The following OSGEPL1 variants were observed in gnomAD, a reference collection of about 807,000 sequenced individuals.
The protein encoded by OSGEPL1 is tRNA N6-adenosine threonylcarbamoyltransferase, mitochondrial.
Under a neutral mutation model 37.2 loss-of-function variants are expected in OSGEPL1, and 26 were observed. The ratio of observed to expected loss-of-function variants is 0.70; its 90% CI spans 0.51 to 0.97. The LOEUF (loss-of-function observed/expected upper bound fraction) is 0.97. OSGEPL1 is among the 50% of genes least tolerant of loss of function. The pLI is 0.00. For missense variants in OSGEPL1, 404 were observed against 487.0 expected, an observed-to-expected ratio of 0.83 and a Z score of 1.60; for synonymous variants, 140 against 159.9, an observed-to-expected ratio of 0.88 and a Z score of 0.94.
At chr2:189,760,652 G>A (rs953801437) in intron 2 of OSGEPL1, among the ~76,000 whole-genome samples, 10 of 151,794 alleles carry the variant, frequency 6.6e-5, no homozygotes, top group Non-Finnish European at 1.0e-4. Flanking sequence ...TCAGCTGGGC[G>A]TGGTGGCACG....
At position 189,752,973 on chromosome 2, in the gene OSGEPL1, A is replaced by C. The variant is rs1308268430; in HGVS notation, c.970T>G (p.Ser324Ala). 25 of 1,609,722 alleles carry C rather than the reference A, an allele frequency of 1.6e-5. No homozygotes were observed. Among genetic ancestry groups the C allele is most frequent in the Non-Finnish European group, 1.9e-5 (22 of 1,178,524 alleles). The change falls in exon 6 of 9, where the codon TCT becomes GCT. Residue 324 changes from serine to alanine, a missense_variant. Ser to Ala is a moderately conservative substitution (Grantham distance 99). Transcript: ENST00000264151. ...LPQNNAVLVASGGVASNFYIR... is the reference protein window; with the variant it reads ...LPQNNAVLVAAGGVASNFYIR... ...TAGAAGTTACTTGCGACACCACCAG[A>C]TGCAACCTGAAGGAATTGAGAAAAC...
At position 189,755,145 on chromosome 2, in the gene OSGEPL1, AAG is replaced by A. The variant is rs773080472; in HGVS notation, c.609+26_609+27del. The A allele has an allele frequency of 6.4e-5, 102 of 1,589,152 alleles. No homozygotes were observed. In the South Asian group the frequency reaches 1.2e-3, roughly 18 times the overall value. ...AGTTGAAATGGACAACATAACAAAAAAGAATGGAGAAATTAATTCTTAATTAC... is the reference window on the plus strand; with the variant it reads ...AGTTGAAATGGACAACATAACAAAAAAATGGAGAAATTAATTCTTAATTAC... On this transcript the variant is annotated intron_variant, in intron 3 of 8. Coordinates refer to ENST00000264151, the MANE Select transcript of OSGEPL1 (RefSeq NM_022353.3).
intron 2 of OSGEPL1, among the ~76,000 whole-genome samples, chr2:189,759,965 C>G (rs556283155): frequency 1.3e-5 from 2 of 152,184 alleles, no homozygotes; most frequent in African/African-American, 4.8e-5. Context: ...TGACTCTTAA[C>G]GAGTATGCTG....
At chr2:189,759,264 T>C (rs1390627319) in intron 2 of OSGEPL1, among the ~76,000 whole-genome samples, 1 of 152,116 alleles carries the variant, frequency 6.6e-6, no homozygotes, top group African/African-American at 2.4e-5. Flanking sequence ...TTTTTTTTTT[T>C]TTGAGACAGA....
intron 7 of OSGEPL1, 37 bp downstream of exon 7, chr2:189,752,616 T>C (rs749440956): frequency 1.9e-6 from 3 of 1,604,576 alleles, no homozygotes; most frequent in Non-Finnish European, 2.6e-6. Context: ...TCTTAAGTAA[T>C]GTAACTTGCA....
intron 6 of OSGEPL1, 52 bp from the exon 7 acceptor site, chr2:189,752,776 A>C: frequency 4.3e-6 from 7 of 1,613,256 alleles, no homozygotes; most frequent in Non-Finnish European, 5.9e-6. Context: ...CTGAAGGAAG[A>C]AGGCTTAGTA....
chr2:189,760,415 G>A (rs976499205), intron 2 of OSGEPL1, among the ~76,000 whole-genome samples: 10 of 152,172 alleles, frequency 6.6e-5, no homozygotes, highest in Non-Finnish European at 1.5e-4. Context: ...CGGCTGCTGG[G>A]CGGGGGCGCC....
At chr2:189,756,056 C>T (rs2046030581) in intron 2 of OSGEPL1, among the ~76,000 whole-genome samples, 1 of 152,118 alleles carries the variant, frequency 6.6e-6, no homozygotes, top group Admixed American at 6.5e-5. Context: ...GGGACTAAGG[C>T]ATCAAAGTTT....
At chr2:189,760,892 G>A (rs61654155) in intron 2 of OSGEPL1, among the ~76,000 whole-genome samples, 148 of 152,246 alleles carry the variant, frequency 9.7e-4, no homozygotes, top group African/African-American at 3.3e-3. Flanking sequence ...ACTGGCTAGA[G>A]CTGAGTAGTG....
Position 189,761,600 on chromosome 2 carries a change from G to T in OSGEPL1, c.41C>A (p.Pro14Gln). Reference protein sequence around the residue: ...LTKTAGVFFKPSKRKVYEFLR... With the variant: ...LTKTAGVFFKQSKRKVYEFLR... ...AAATTCATAAACTTTCCTTTTTGAT[G>T]GTTTAAAAAAAACTCCTGCAGTCTT... The change falls in exon 2 of 9, where the codon CCA becomes CAA. Residue 14 changes from proline (P) to glutamine (Q), a missense_variant. Coordinates refer to ENST00000264151, the MANE Select transcript of OSGEPL1 (RefSeq NM_022353.3). The T allele has an allele frequency of 1.9e-6, 3 of 1,604,386 alleles. No homozygotes were observed. Among genetic ancestry groups the T allele is most frequent in the South Asian group, 1.1e-5 (1 of 89,306 alleles).
In OSGEPL1 at chr2:189,760,038, T is replaced by G. The variant is rs572221654; in HGVS notation, c.221+1382A>C. Among the ~76,000 whole-genome samples the G allele has an allele frequency of 6.6e-5, 10 of 152,304 alleles. 1 individual carries two copies. The South Asian group carries it at 1.0e-3, about 16-fold the overall frequency. On this transcript the variant is annotated intron_variant, in intron 2 of 8. Transcript: ENST00000264151. ...GCCCTTAATCCATTTAACCCTGAGTTGACACAGCACATGTTTCAGAGAGCA... is the reference window on the plus strand; with the variant it reads ...GCCCTTAATCCATTTAACCCTGAGTGGACACAGCACATGTTTCAGAGAGCA...
intron 3 of OSGEPL1, 134 bp from the exon 4 acceptor site, chr2:189,754,479 A>G: frequency 1.3e-6 from 1 of 792,364 alleles, no homozygotes; most frequent in Non-Finnish European, 1.9e-6. Flanking sequence ...ACTTTGGCAA[A>G]TATAGACTAT....
chr2:189,753,008 T>C (rs1425519311), intron 5 of OSGEPL1, 29 bp from the exon 6 acceptor site: 2 of 1,579,146 alleles, frequency 1.3e-6, no homozygotes, highest in South Asian at 1.2e-5. Flanking sequence ...CCAAAATAAC[T>C]ATCATATATG....
Position 189,754,365 on chromosome 2 carries a change from T to C in OSGEPL1, c.610-20A>G, listed in dbSNP as rs953738899. ...TGCCACCTATCAAAGAAACATATTTTTTAGAGTCATAAAATTAAATACTGT... is the reference window on the plus strand; with the variant it reads ...TGCCACCTATCAAAGAAACATATTTCTTAGAGTCATAAAATTAAATACTGT... On this transcript the variant is annotated intron_variant, in intron 3 of 8. Transcript: ENST00000264151. 1 of 1,569,664 alleles carries C rather than the reference T, an allele frequency of 6.4e-7. No individual in the cohort carries two copies.
At chr2:189,759,269 G>A (rs1386890225) in intron 2 of OSGEPL1, among the ~76,000 whole-genome samples, 2 of 147,814 alleles carry the variant, frequency 1.4e-5, no homozygotes, top group Non-Finnish European at 3.0e-5. Context: ...TTTTTTTTGA[G>A]ACAGACTCTC....
chr2:189,752,812 A>G lies in OSGEPL1; in HGVS notation c.1094+37T>C, dbSNP rs558060969. 269 of 1,613,464 alleles carry G rather than the reference A, an allele frequency of 1.7e-4. 3 individuals carry two copies. The South Asian group carries it at 2.7e-3, about 16-fold the overall frequency. ...TGATAAAATGGCAATTAATATTTAC[A>G]TAGTTATGAGTGAAGCACGTATATC... On this transcript the variant is annotated intron_variant, in intron 6 of 8. Coordinates refer to ENST00000264151, the MANE Select transcript of OSGEPL1 (RefSeq NM_022353.3).
Position 189,755,122 on chromosome 2 carries a change from T to G in OSGEPL1, c.609+51A>C, listed in dbSNP as rs778229540. ...TGGTAGCACATCTATTGCTACTTAG[T>G]TGAAATGGACAACATAACAAAAAAG... On this transcript the variant is annotated intron_variant, in intron 3 of 8. Coordinates refer to ENST00000264151, the MANE Select transcript of OSGEPL1 (RefSeq NM_022353.3). 5 of 1,572,424 alleles carry G rather than the reference T, an allele frequency of 3.2e-6. No homozygotes were observed. In the African/African-American group the frequency reaches 5.5e-5, roughly 17 times the overall value.
chr2:189,760,661 C>G (rs985290669), intron 2 of OSGEPL1, among the ~76,000 whole-genome samples: 10 of 151,312 alleles, frequency 6.6e-5, no homozygotes, highest in Non-Finnish European at 1.5e-4. Context: ...CGTGGTGGCA[C>G]GTGCCTGTAA....
intron 3 of OSGEPL1, 125 bp downstream of exon 3, chr2:189,755,048 A>T (rs1251955170): frequency 2.6e-6 from 3 of 1,170,868 alleles, no homozygotes; most frequent in African/African-American, 3.1e-5. Context: ...CCATATGTGA[A>T]TTTTTTTCAG....
Sources: gnomAD v4.1 joint callset for allele counts (sites outside exome capture counted in the v4.1 genomes callset) on GRCh38, gnomAD v4.1.1 for gene constraint, MANE v1.5 for transcripts, NCBI Gene and HGNC (gene_info 2026-07-23, HGNC 2026-07-21) for gene names.